USP6NL: variants seen among roughly 807,000 people sequenced by gnomAD.
The protein encoded by USP6NL is USP6 N-terminal like, also known as USP6 N-terminal-like protein.
Under a neutral mutation model 61.9 loss-of-function variants are expected in USP6NL, and 26 were observed. That is an observed-to-expected ratio of 0.42 (90% CI 0.31 to 0.58). The LOEUF (loss-of-function observed/expected upper bound fraction) is 0.58, where lower values mean the gene tolerates loss of function less well. Ranked by LOEUF, USP6NL falls within the 20% of genes least tolerant of loss-of-function variation. The pLI is 0.16. For missense variants in USP6NL, 1,114 were observed against 1,034.3 expected, an observed-to-expected ratio of 1.08 and a Z score of -1.06; for synonymous variants, 432 against 390.1, an observed-to-expected ratio of 1.11 and a Z score of -1.27.
At chr10:11,552,398 TAA>T (rs1836525172) in intron 2 of USP6NL, among the ~76,000 whole-genome samples, 1 of 152,234 alleles carries the variant, frequency 6.6e-6, no homozygotes. Context: ...ATAATCCTTT[TAA>T]AAATCAGGAA....
Position 11,600,861 on chromosome 10 carries a change from G to T in USP6NL, c.-83-3144C>A, listed in dbSNP as rs1052456196. ...CAGCCGCCTGTAATGCCAGCTACTG[G>T]AGAGGCTGAGGCAAGAGAATTGCTT... On this transcript the variant is annotated intron_variant, in intron 1 of 14. Coordinates refer to ENST00000609104, the MANE Select transcript of USP6NL (RefSeq NM_014688.5). The surrounding 1 kb of genome is among the most constrained non-coding windows in gnomAD (Gnocchi z 4.1). Among the ~76,000 whole-genome samples, 1 of 152,056 alleles carries T rather than the reference G, an allele frequency of 6.6e-6. No individual in the cohort carries two copies. The highest frequency in any genetic ancestry group is 2.4e-5 in the African/African-American group (1 of 41,402).
rs1832680084 is a variant in USP6NL at position 11,470,266 on chromosome 10, T to C, written c.1079-6417A>G. ...AGGATGGAGGCAGCCGCAGGGAACC[T>C]CATGGAGGGCCCGCGGGGACTCGCT... On this transcript the variant is annotated intron_variant, in intron 14 of 14. Transcript: ENST00000609104. The surrounding 1 kb of genome is among the most constrained non-coding windows in gnomAD (Gnocchi z 5.4). 6.6e-6 allele frequency among the ~76,000 whole-genome samples: 1 copy of C among 152,086 alleles called. No individual in the cohort carries two copies. Among genetic ancestry groups the C allele is most frequent in the South Asian group, 2.1e-4 (1 of 4,822 alleles).
intron 7 of USP6NL, among the ~76,000 whole-genome samples, chr10:11,498,048 C>G (rs980582176): frequency 6.6e-6 from 1 of 151,310 alleles, no homozygotes; most frequent in Non-Finnish European, 1.5e-5. Context: ...ACTAGCCTGG[C>G]CAGCATGGTG....
chr10:11,556,297 G>T (rs1836703811), intron 2 of USP6NL, among the ~76,000 whole-genome samples: 1 of 152,104 alleles, frequency 6.6e-6, no homozygotes, highest in Non-Finnish European at 1.5e-5. Flanking sequence ...ATAACAAAAT[G>T]ATTTATAACA....
intron 2 of USP6NL, among the ~76,000 whole-genome samples, chr10:11,588,495 T>C (rs769137375): frequency 1.3e-5 from 2 of 152,152 alleles, no homozygotes; most frequent in African/African-American, 4.8e-5. Context: ...AAAAATAGAT[T>C]TTCAGAAATA....
chr10:11,572,217 T>C (rs1036052967), intron 2 of USP6NL, among the ~76,000 whole-genome samples: 3 of 152,006 alleles, frequency 2.0e-5, no homozygotes, highest in Admixed American at 1.3e-4. Flanking sequence ...TTCAAACAGA[T>C]GGGATTAAAT....
chr10:11,579,780 C>T (rs1177256343), intron 2 of USP6NL, among the ~76,000 whole-genome samples: 2 of 147,968 alleles, frequency 1.4e-5, no homozygotes, highest in Non-Finnish European at 3.0e-5. Context: ...ACTAGATCTA[C>T]AGTCTGCAAA....
At chr10:11,486,297 G>A (rs1033427348) in intron 10 of USP6NL, among the ~76,000 whole-genome samples, 10 of 151,304 alleles carry the variant, frequency 6.6e-5, no homozygotes, top group Non-Finnish European at 1.3e-4. Context: ...CTCTTAATAT[G>A]TTAAATAACA....
chr10:11,582,571 T>C (rs1837816163), intron 2 of USP6NL, among the ~76,000 whole-genome samples: 1 of 152,258 alleles, frequency 6.6e-6, no homozygotes, highest in Non-Finnish European at 1.5e-5. Context: ...TATGTGTTTA[T>C]GGATGACAAC....
intron 14 of USP6NL, among the ~76,000 whole-genome samples, chr10:11,473,662 C>G (rs143038469): frequency 1.3e-5 from 2 of 152,190 alleles, no homozygotes; most frequent in Non-Finnish European, 2.9e-5. Flanking sequence ...ACTGACAGAA[C>G]TCTCATTACC....
intron 4 of USP6NL, among the ~76,000 whole-genome samples, chr10:11,519,567 T>C (rs1346055676): frequency 1.3e-5 from 2 of 151,744 alleles, no homozygotes; most frequent in Non-Finnish European, 2.9e-5. Context: ...GAGGTGGAGG[T>C]TGCAGTGAGC....
rs1836559717 is a variant in USP6NL at position 11,553,206 on chromosome 10, G to A, written c.5-25639C>T. Among the ~76,000 whole-genome samples, 1 of 152,126 alleles carries A rather than the reference G, an allele frequency of 6.6e-6. No individual in the cohort carries two copies. Among genetic ancestry groups the A allele is most frequent in the East Asian group, 1.9e-4 (1 of 5,200 alleles). ...AATCCACAACCATATTTTGGCTACT[G>A]AATTGTTGAATGCAAAGAAAAAGCT... is the stretch of plus-strand genomic sequence containing the variant. On this transcript the variant is annotated intron_variant, in intron 2 of 14. Coordinates refer to ENST00000609104, the MANE Select transcript of USP6NL (RefSeq NM_014688.5). The surrounding 1 kb of genome is among the most constrained non-coding windows in gnomAD (Gnocchi z 4.8).
In USP6NL at chr10:11,460,797, A is replaced by G. The variant is rs1197952526; in HGVS notation, c.*1644T>C. On this transcript the variant is annotated 3_prime_UTR_variant, in exon 15 of 15. Transcript: ENST00000609104. ...AATGGGAATTAATATCCTCAGCTAC[A>G]TATTTATATACATTTATTTCTCAGC... 1 of 152,368 alleles carries G rather than the reference A, an allele frequency of 6.6e-6. No homozygotes were observed. Among genetic ancestry groups the G allele is most frequent in the East Asian group, 1.9e-4 (1 of 5,190 alleles). 9.4% of individuals were successfully genotyped at this position (152,368 alleles called of 1,614,324 possible). A position where few individuals can be genotyped will look rare whatever the true frequency, so the allele number is the denominator to read the frequency against.
chr10:11,577,563 C>T (rs1837597523), intron 2 of USP6NL, among the ~76,000 whole-genome samples: 1 of 152,098 alleles, frequency 6.6e-6, no homozygotes, highest in South Asian at 2.1e-4. Context: ...TGCAATGGCG[C>T]AATCTCGGCT....
Position 11,518,173 on chromosome 10 carries a change from G to T in USP6NL, c.195+362C>A, listed in dbSNP as rs556354831. Among the ~76,000 whole-genome samples, 5 of 152,192 alleles carry T rather than the reference G, an allele frequency of 3.3e-5. No individual in the cohort carries two copies. In the South Asian group the frequency reaches 8.3e-4, roughly 25 times the overall value. On this transcript the variant is annotated intron_variant, in intron 5 of 14. Coordinates refer to ENST00000609104, the MANE Select transcript of USP6NL (RefSeq NM_014688.5). This position sits in a 1 kb window ranked among gnomAD's most constrained non-coding sequence, Gnocchi z 5.3. ...TAGAATGGTGCTTTATTTGCCACAGGGTACATGAGAATCACTTGTGAAGCC... is the reference window on the plus strand; with the variant it reads ...TAGAATGGTGCTTTATTTGCCACAGTGTACATGAGAATCACTTGTGAAGCC...
At chr10:11,558,680 C>T (rs1214073003) in intron 2 of USP6NL, among the ~76,000 whole-genome samples, 1 of 152,188 alleles carries the variant, frequency 6.6e-6, no homozygotes, top group Non-Finnish European at 1.5e-5. Context: ...AAGATTATCA[C>T]ATCTATTTAC....
At chr10:11,582,337 G>C (rs1327059676) in intron 2 of USP6NL, among the ~76,000 whole-genome samples, 1 of 152,212 alleles carries the variant, frequency 6.6e-6, no homozygotes, top group Admixed American at 6.5e-5. Context: ...TGGACCTCAG[G>C]TGATCCGCCC....
chr10:11,477,611 G>A (rs1172498584), intron 14 of USP6NL, among the ~76,000 whole-genome samples: 4 of 152,100 alleles, frequency 2.6e-5, no homozygotes, highest in African/African-American at 9.7e-5. Context: ...CAAATTATGA[G>A]GACAGTATAA....
At position 11,476,511 on chromosome 10, in the gene USP6NL, T is replaced by C. The variant is rs1832972653; in HGVS notation, c.1078+5259A>G. On this transcript the variant is annotated intron_variant, in intron 14 of 14. Coordinates refer to ENST00000609104, the MANE Select transcript of USP6NL (RefSeq NM_014688.5). This position sits in a 1 kb window ranked among gnomAD's most constrained non-coding sequence, Gnocchi z 4.3. Reference sequence around the variant, plus strand: ...ATGTTTCAACAGCAACTACAAAACATACAGAAATAAAATAAAGGTACAAAA... The same window carrying C: ...ATGTTTCAACAGCAACTACAAAACACACAGAAATAAAATAAAGGTACAAAA... 6.6e-6 allele frequency among the ~76,000 whole-genome samples: 1 copy of C among 152,126 alleles called. No individual in the cohort carries two copies. Among genetic ancestry groups the C allele is most frequent in the Non-Finnish European group, 1.5e-5 (1 of 68,004 alleles).
Sources: allele counts gnomAD v4.1 joint callset (sites outside exome capture counted in the v4.1 genomes callset), GRCh38; gene constraint gnomAD v4.1.1; non-coding constraint Gnocchi (gnomAD v3.1); transcripts MANE v1.5; gene names NCBI Gene and HGNC (gene_info 2026-07-23, HGNC 2026-07-21).